Variants in FSTL1 observed in about 807,000 individuals in gnomAD.
FSTL1 encodes follistatin like 1.
In FSTL1, 24 loss-of-function variants were observed where a neutral mutation model predicts 45.9. The ratio of observed to expected loss-of-function variants is 0.52; its 90% CI spans 0.38 to 0.74. The LOEUF (loss-of-function observed/expected upper bound fraction) is 0.74. Ranked by LOEUF, FSTL1 falls within the 30% of genes least tolerant of loss-of-function variation. FSTL1 has a pLI of 0.00. For synonymous variants in FSTL1, 120 were observed against 137.6 expected (o/e 0.87, Z 0.89); for missense variants, 340 against 381.8 (o/e 0.89, Z 0.91).
At chr3:120,435,107 T>C (rs904568578) in intron 2 of FSTL1, among the ~76,000 whole-genome samples, 1 of 152,028 alleles carries the variant, frequency 6.6e-6, no homozygotes, top group Non-Finnish European at 1.5e-5. Context: ...TAATCCCAGC[T>C]ACTTGGGAGG....
chr3:120,441,586 AAAAG>A, intron 2 of FSTL1, among the ~76,000 whole-genome samples: 1 of 152,390 alleles, frequency 6.6e-6, no homozygotes, highest in East Asian at 1.9e-4. Context: ...TGGAGAGAGA[AAAAG>A]AAGCAAGGAG....
chr3:120,412,070 C>T (rs930345750), intron 3 of FSTL1, 87 bp from the exon 4 acceptor site: 2 of 1,052,992 alleles, frequency 1.9e-6, no homozygotes, highest in African/African-American at 3.0e-5. Context: ...CACACACACA[C>T]AGAGCCATTT....
chr3:120,417,176 C>A (rs1031093595), intron 2 of FSTL1, among the ~76,000 whole-genome samples: 1 of 152,172 alleles, frequency 6.6e-6, no homozygotes, highest in Non-Finnish European at 1.5e-5. Context: ...TGGAACCAGA[C>A]AGTCCACCCT....
rs150755954 is a variant in FSTL1, at chr3:120,411,296, G to C, written c.299-312C>G. 1.9e-5 allele frequency: 5 copies of C among 265,084 alleles called. No homozygotes were observed. In the East Asian group the frequency reaches 4.4e-4, roughly 23 times the overall value. The allele number at this position is 265,084 out of a possible 1,614,324, so 16.4% of individuals were successfully genotyped here. ...ATCATTCTGGACAGGGAATGGAGTGGAGACAATCACCTGGGAAACAGCTTC... is the reference window on the plus strand; with the variant it reads ...ATCATTCTGGACAGGGAATGGAGTGCAGACAATCACCTGGGAAACAGCTTC... On this transcript the variant is annotated intron_variant, in intron 4 of 10. Coordinates refer to ENST00000295633, the MANE Select transcript of FSTL1 (RefSeq NM_007085.5).
intron 2 of FSTL1, chr3:120,419,469 A>G (rs942628628): frequency 6.6e-6 from 1 of 152,238 alleles, no homozygotes; most frequent in Non-Finnish European, 1.5e-5. Flanking sequence ...AGTCTTACCC[A>G]TCTACTGAGA....
chr3:120,423,500 G>GT (rs1937319537), intron 2 of FSTL1: 1 of 152,308 alleles, frequency 6.6e-6, no homozygotes, highest in South Asian at 2.1e-4. Flanking sequence ...ACAAAGATCT[G>GT]TGAGGCTCAG....
At chr3:120,412,320 C>G (rs1485582303) in intron 3 of FSTL1, among the ~76,000 whole-genome samples, 1 of 152,174 alleles carries the variant, frequency 6.6e-6, no homozygotes, top group Non-Finnish European at 1.5e-5. Context: ...AGAGGTGAGG[C>G]CTTTAGGAGG....
At chr3:120,434,263 G>T (rs1264728045) in intron 2 of FSTL1, among the ~76,000 whole-genome samples, 1 of 152,184 alleles carries the variant, frequency 6.6e-6, no homozygotes, top group East Asian at 1.9e-4. Flanking sequence ...AAAAATAAAA[G>T]AGAAAATTCC....
At chr3:120,428,925 G>A (rs370697033) in intron 2 of FSTL1, among the ~76,000 whole-genome samples, 1 of 152,354 alleles carries the variant, frequency 6.6e-6, no homozygotes, top group African/African-American at 2.4e-5. Flanking sequence ...GTCTCCATAT[G>A]TGTGGCTCAG....
intron 6 of FSTL1, among the ~76,000 whole-genome samples, chr3:120,405,503 C>T (rs1043449757): frequency 1.3e-5 from 2 of 152,202 alleles, no homozygotes; most frequent in Non-Finnish European, 2.9e-5. Flanking sequence ...GTCCTGTTCT[C>T]AGTGCTTAAC....
chr3:120,424,284 A>G (rs1473538572), intron 2 of FSTL1, among the ~76,000 whole-genome samples: 1 of 152,170 alleles, frequency 6.6e-6, no homozygotes, highest in African/African-American at 2.4e-5. Context: ...CCTGGGTGAC[A>G]GAGTGAGACC....
chr3:120,450,547 C>T (rs1937866655), intron 2 of FSTL1, 137 bp downstream of exon 2: 2 of 517,420 alleles, frequency 3.9e-6, no homozygotes, highest in Non-Finnish European at 6.7e-6. Context: ...GCCCCAGCTC[C>T]ACCCCAGCAC....
In FSTL1 at chr3:120,396,092, T is replaced by A. The variant is rs1936693285; in HGVS notation, c.*860A>T. 6.4e-6 allele frequency: 1 copy of A among 156,284 alleles called. No individual in the cohort carries two copies. The highest frequency in any genetic ancestry group is 1.3e-5 in the Non-Finnish European group (1 of 74,336). 9.7% of individuals were successfully genotyped at this position (156,284 alleles called of 1,614,324 possible). On this transcript the variant is annotated 3_prime_UTR_variant, in exon 11 of 11. Coordinates refer to ENST00000295633, the MANE Select transcript of FSTL1 (RefSeq NM_007085.5). ...GGCCAACTATGGGCTGCATCTAGTA[T>A]GTGGCAGGGTGGGGGCATCTGGGTT...
intron 2 of FSTL1, among the ~76,000 whole-genome samples, chr3:120,427,991 A>G (rs1467264942): frequency 6.6e-6 from 1 of 151,768 alleles, no homozygotes; most frequent in East Asian, 1.9e-4. Context: ...AACTGTGGAA[A>G]TGGGCTTATT....
chr3:120,412,831 C>T (rs1441363596), intron 3 of FSTL1, among the ~76,000 whole-genome samples: 88 of 128,634 alleles, frequency 6.8e-4, no homozygotes, highest in South Asian at 3.2e-3. Flanking sequence ...CGCGCGCGCG[C>T]GCGCGCGCAC....
intron 1 of FSTL1, 47 bp downstream of exon 1, chr3:120,450,850 C>T (rs370781958): frequency 1.3e-6 from 1 of 773,670 alleles, no homozygotes; most frequent in Non-Finnish European, 1.9e-6. Context: ...CAAGCACCCC[C>T]GGCCGCCCGA....
chr3:120,406,115 A>G (rs1936942873), intron 6 of FSTL1, among the ~76,000 whole-genome samples: 1 of 152,088 alleles, frequency 6.6e-6, no homozygotes. Flanking sequence ...TGTATAATGA[A>G]GGTGTGCATG....
intron 2 of FSTL1, among the ~76,000 whole-genome samples, chr3:120,447,486 A>C (rs1385247356): frequency 6.6e-6 from 1 of 152,180 alleles, no homozygotes; most frequent in Non-Finnish European, 1.5e-5. Flanking sequence ...TGGATGTGGC[A>C]GAATCTGGAG....
chr3:120,415,988 A>T lies in FSTL1; in HGVS notation c.103T>A (p.Phe35Ile). The T allele has an allele frequency of 1.1e-5, 18 of 1,613,904 alleles. No individual in the cohort carries two copies. The highest frequency in any genetic ancestry group is 1.5e-5 in the Non-Finnish European group (18 of 1,179,802). The change falls in exon 3 of 11, where the codon TTT becomes ATT. Residue 35 changes from phenylalanine (F) to isoleucine (I), a missense_variant. Transcript: ENST00000295633. ...RSKSKICANV[F>I]CGAGRECAVT... ...GCACATTCCCGGCCGGCTCCACAAA[A>T]CACATTGGCACAGATCTTGGATTTG...
Sources: allele counts gnomAD v4.1 joint callset (sites outside exome capture counted in the v4.1 genomes callset), GRCh38; gene constraint gnomAD v4.1.1; transcripts MANE v1.5; gene names NCBI Gene and HGNC (gene_info 2026-07-23, HGNC 2026-07-21).